The following GORASP1 variants were observed in gnomAD, a reference collection of about 807,000 sequenced individuals.
GORASP1 encodes golgi reassembly stacking protein 1, also known as Golgi reassembly-stacking protein 1.
GORASP1 carries 31 observed loss-of-function variants against 37.7 expected under a neutral mutation model. That is an observed-to-expected ratio of 0.82 (90% confidence interval 0.62 to 1.11). The LOEUF is 1.11. GORASP1 is among the 50% of genes least tolerant of loss of function. GORASP1 has a pLI of 0.00. For synonymous variants in GORASP1, 204 were observed against 224.8 expected, an observed-to-expected ratio of 0.91 and a Z score of 0.83; for missense variants, 476 against 560.7, an observed-to-expected ratio of 0.85 and a Z score of 1.53.
Position 39,101,050 on chromosome 3 carries a change from T to G in GORASP1, c.401A>C (p.Asp134Ala), listed in dbSNP as rs1290634644. ...AATCTGGTCCGAACCAACCACATAG[T>G]CTGTGTAGGGGCGCAGGCCGGCAAG... ...AALAGLRPYTDYVVGSDQILQ... is the reference protein window; with the variant it reads ...AALAGLRPYTAYVVGSDQILQ... The change falls in exon 4 of 9, where the codon GAC becomes GCC. Residue 134 changes from aspartate to alanine, a missense_variant. Transcript: ENST00000319283. The G allele has an allele frequency of 5.0e-6, 8 of 1,613,990 alleles. No homozygotes were observed. The highest frequency in any genetic ancestry group is 6.8e-6 in the Non-Finnish European group (8 of 1,179,960).
At position 39,098,929 on chromosome 3, in the gene GORASP1, A is replaced by C. The variant is rs772794852; in HGVS notation, c.917-36T>G. On this transcript the variant is annotated intron_variant, in intron 7 of 8. Coordinates refer to ENST00000319283, the MANE Select transcript of GORASP1 (RefSeq NM_031899.4). This position sits in a 1 kb window ranked among gnomAD's most constrained non-coding sequence, Gnocchi z 4.7. The stretch of plus-strand genomic sequence containing the variant: ...GTGGTGCAGTTCTTTGCCAGCAAGA[A>C]ACCCTGACTGCTGGAAAGCAGCACC... 2 of 1,611,154 alleles carry C rather than the reference A, an allele frequency of 1.2e-6. No homozygotes were observed. Among genetic ancestry groups the C allele is most frequent in the Non-Finnish European group, 1.7e-6 (2 of 1,178,520 alleles).
Position 39,101,031 on chromosome 3 carries a change from G to A in GORASP1, c.420C>T (p.Asp140=), listed in dbSNP as rs750291835. Residue 140 remains aspartate (D), a synonymous_variant, in exon 4 of 9, where the codon GAC becomes GAT. Transcript: ENST00000319283. ...GGTTCCTCACCTCCTGGAGAATCTGGTCCGAACCAACCACATAGTCTGTGT... is the reference window on the plus strand; with the variant it reads ...GGTTCCTCACCTCCTGGAGAATCTGATCCGAACCAACCACATAGTCTGTGT... ...RPYTDYVVGS[D]QILQESEDFF... 2.5e-6 allele frequency: 4 copies of A among 1,614,182 alleles called. No homozygotes were observed. Among genetic ancestry groups the A allele is most frequent in the Non-Finnish European group, 2.5e-6 (3 of 1,180,000 alleles).
intron 3 of GORASP1, chr3:39,101,329 G>A (rs141756613): frequency 1.6e-6 from 1 of 608,980 alleles, no homozygotes; most frequent in Non-Finnish European, 3.0e-6. Context: ...CTCAGCACCA[G>A]GCTCTGGAAT....
At chr3:39,107,340 A>AG in intron 1 of GORASP1, 139 bp downstream of exon 1, 1 of 498,312 alleles carries the variant, frequency 2.0e-6, no homozygotes, top group Non-Finnish European at 3.2e-6. Flanking sequence ...CCCACCGGGC[A>AG]GGGGGCACCT....
Position 39,107,606 on chromosome 3 carries a change from AG to A in GORASP1, c.-66del, listed in dbSNP as rs1338281540. On this transcript the variant is annotated 5_prime_UTR_variant, in exon 1 of 9. In the 5' UTR this introduces an upstream ATG that the reference lacks. Transcript: ENST00000319283. ...CGCCTACCCGGACCGACCCGACGCC[AG>A]TAGCACCGACTCGCTCTCTCGGCGC... is the stretch of plus-strand genomic sequence containing the variant. 2 of 1,407,202 alleles carry A rather than the reference AG, an allele frequency of 1.4e-6. No individual in the cohort carries two copies. The highest frequency in any genetic ancestry group is 2.9e-5 in the African/African-American group (2 of 68,888). 87.2% of individuals were successfully genotyped at this position (1,407,202 alleles called of 1,614,324 possible). A position where few individuals can be genotyped will look rare whatever the true frequency, so the allele number is the denominator to read the frequency against.
intron 1 of GORASP1, chr3:39,107,055 C>T (rs779719053): frequency 1.0e-4 from 48 of 462,308 alleles, no homozygotes; most frequent in Non-Finnish European, 1.9e-4. Context: ...AACCCCGGCC[C>T]CCGGGACTGT....
chr3:39,098,232 GGT>G lies in GORASP1; in HGVS notation c.*2_*3del. On this transcript the variant is annotated 3_prime_UTR_variant, in exon 9 of 9. Transcript: ENST00000319283. The surrounding 1 kb of genome is among the most constrained non-coding windows in gnomAD (Gnocchi z 4.7). ...CATCATGGGCCTTGTCACAGCCCAGGGTGTTATTCTGTGGTAGAGATCTGGGC... is the reference window on the plus strand; with the variant it reads ...CATCATGGGCCTTGTCACAGCCCAGGGTTATTCTGTGGTAGAGATCTGGGC... 6.2e-7 allele frequency: 1 copy of G among 1,613,440 alleles called. No individual in the cohort carries two copies. Among genetic ancestry groups the G allele is most frequent in the Non-Finnish European group, 8.5e-7 (1 of 1,179,666 alleles).
chr3:39,097,804 T>C lies in GORASP1; in HGVS notation c.*432A>G, dbSNP rs6773323. 0.093 allele frequency: 15,070 copies of C among 162,280 alleles called. 2,383 individuals are homozygous for C. The highest frequency in any genetic ancestry group is 0.33 in the African/African-American group (13,944 of 41,672). 10.1% of individuals were successfully genotyped at this position (162,280 alleles called of 1,614,324 possible). ...TGATCAGCCTGAGCCAAGTGTAGCA[T>C]TGTAGCCTAGGGACAAGGACACATG... On this transcript the variant is annotated 3_prime_UTR_variant, in exon 9 of 9. Transcript: ENST00000319283.
At chr3:39,104,741 CCTT>C (rs1310954436) in intron 1 of GORASP1, among the ~76,000 whole-genome samples, 1 of 152,232 alleles carries the variant, frequency 6.6e-6, no homozygotes, top group Non-Finnish European at 1.5e-5. Flanking sequence ...CTGAGCCCCT[CCTT>C]ATCACCTCCA....
At chr3:39,099,854 G>C (rs2035584870) in intron 6 of GORASP1, among the ~76,000 whole-genome samples, 1 of 152,164 alleles carries the variant, frequency 6.6e-6, no homozygotes, top group Non-Finnish European at 1.5e-5. Context: ...GAACATCCTT[G>C]AATACTCCCT....
intron 7 of GORASP1, 152 bp from the exon 8 acceptor site, chr3:39,099,045 G>GGT (rs1461292579): frequency 9.9e-7 from 1 of 1,010,396 alleles, no homozygotes; most frequent in Admixed American, 2.1e-5. Flanking sequence ...ACCTCAAAGA[G>GGT]GTTCCCACAC....
chr3:39,099,382 G>A lies in GORASP1; in HGVS notation c.887C>T (p.Pro296Leu). 1.2e-6 allele frequency: 2 copies of A among 1,613,582 alleles called. No homozygotes were observed. Among genetic ancestry groups the A allele is most frequent in the Non-Finnish European group, 1.7e-6 (2 of 1,179,786 alleles). ...GTCCATAACTCGCTGCACTGGAGGT[G>A]GGGGCTGAAGAGGAGTCTCCATGAA... ...PHFMETPLQP[P>L]PPVQRVMDPG... The change falls in exon 7 of 9, where the codon CCA becomes CTA. Residue 296 changes from proline to leucine, a missense_variant. Transcript: ENST00000319283.
intron 1 of GORASP1, chr3:39,107,270 C>A: frequency 2.0e-6 from 1 of 504,898 alleles, no homozygotes; most frequent in Non-Finnish European, 3.6e-6. Flanking sequence ...CTGGGCCCGA[C>A]CGCGGCCGCG....
chr3:39,107,421 C>T (rs2036267893), intron 1 of GORASP1, 58 bp downstream of exon 1: 3 of 1,158,346 alleles, frequency 2.6e-6, no homozygotes, highest in South Asian at 6.2e-5. Context: ...GACCGGACGC[C>T]CGGGCGCGGG....
At chr3:39,106,651 C>A (rs2036136771) in intron 1 of GORASP1, among the ~76,000 whole-genome samples, 1 of 152,156 alleles carries the variant, frequency 6.6e-6, no homozygotes, top group Admixed American at 6.5e-5. Context: ...AGGGGGGGTG[C>A]AGGGACGCCT....
In GORASP1 at chr3:39,103,402, C is replaced by A; in HGVS notation, c.144+71G>T. On this transcript the variant is annotated intron_variant, in intron 2 of 8. Coordinates refer to ENST00000319283, the MANE Select transcript of GORASP1 (RefSeq NM_031899.4). The surrounding 1 kb of genome is among the most constrained non-coding windows in gnomAD (Gnocchi z 5.2). ...AAGGGAGGGAAGGGTAGACTGGGGC[C>A]CCCTGTGGGACAGATGAAGACACAC... 7.8e-7 allele frequency: 1 copy of A among 1,281,818 alleles called. No individual in the cohort carries two copies. The highest frequency in any genetic ancestry group is 1.1e-6 in the Non-Finnish European group (1 of 910,238). 79.4% of individuals were successfully genotyped at this position (1,281,818 alleles called of 1,614,324 possible).
Position 39,100,887 on chromosome 3 carries a change from A to G in GORASP1, c.436-10T>C. The G allele has an allele frequency of 1.2e-6, 2 of 1,614,148 alleles. No homozygotes were observed. Among genetic ancestry groups the G allele is most frequent in the Non-Finnish European group, 1.7e-6 (2 of 1,179,978 alleles). The stretch of plus-strand genomic sequence containing the variant: ...TAAAGAAGTCCTCGGACTGTGAGAA[A>G]CGCATAGCACCTGAGGCCTGCTTCC... On this transcript the variant is annotated splice_polypyrimidine_tract_variant and intron_variant, in intron 4 of 8. Coordinates refer to ENST00000319283, the MANE Select transcript of GORASP1 (RefSeq NM_031899.4). The surrounding 1 kb of genome is among the most constrained non-coding windows in gnomAD (Gnocchi z 4.6).
chr3:39,100,365 T>C lies in GORASP1; in HGVS notation c.705A>G (p.Gly235=), dbSNP rs746665068. The change falls in exon 6 of 9, where the codon GGA becomes GGG. Residue 235 remains glycine, a synonymous_variant. Transcript: ENST00000319283. This position sits in a 1 kb window ranked among gnomAD's most constrained non-coding sequence, Gnocchi z 4.6. ...GAPPPDALPP[G]PTPEDSPSLE... ...GGGAAGGAGAGTCCTCGGGGGTGGG[T>C]CCAGGTGGTAGAGCATCAGGTGGTG... 4.3e-6 allele frequency: 7 copies of C among 1,613,896 alleles called. No homozygotes were observed. In the East Asian group the frequency reaches 1.3e-4, roughly 31 times the overall value.
At chr3:39,099,199 C>T (rs1303324805) in intron 7 of GORASP1, 154 bp downstream of exon 7, 2 of 925,120 alleles carry the variant, frequency 2.2e-6, no homozygotes, top group Non-Finnish European at 3.5e-6. Flanking sequence ...ACAGACTCCC[C>T]ATCTGTATAC....
Sources: gnomAD v4.1 joint callset for allele counts (sites outside exome capture counted in the v4.1 genomes callset) on GRCh38, gnomAD v4.1.1 for gene constraint, Gnocchi (gnomAD v3.1) non-coding constraint, MANE v1.5 for transcripts, NCBI Gene and HGNC (gene_info 2026-07-23, HGNC 2026-07-21) for gene names.